ZNF20: variants seen among roughly 807,000 people sequenced by gnomAD.
ZNF20 encodes the protein zinc finger protein 20.
A neutral mutation model predicts 11.0 loss-of-function variants in ZNF20; 9 were observed. That is an observed-to-expected ratio of 0.82 (90% confidence interval 0.49 to 1.43). The LOEUF (loss-of-function observed/expected upper bound fraction) is 1.43, where lower values mean the gene tolerates loss of function less well. Ranked by LOEUF, ZNF20 falls within the 40% of genes most tolerant of loss-of-function variation. ZNF20 has a pLI of 0.00. For missense variants in ZNF20, 528 were observed against 640.8 expected, an observed-to-expected ratio of 0.82 and a Z score of 1.90; for synonymous variants, 182 against 213.0, an observed-to-expected ratio of 0.85 and a Z score of 1.27.
chr19:12,134,143 G>A (rs912262484), intron 3 of ZNF20, among the ~76,000 whole-genome samples, 158 bp from the exon 4 acceptor site: 1 of 151,926 alleles, frequency 6.6e-6, no homozygotes, highest in Non-Finnish European at 1.5e-5. Flanking sequence ...GGCCAACATG[G>A]TGAAACCCCG....
At position 12,132,044 on chromosome 19, in the gene ZNF20, CAAT is replaced by C. The variant is rs1976630747; in HGVS notation, c.*540_*542del. ...CAGGCTCGCTAATCCGTAGAAACAA[CAAT>C]GCTTGCAATACAAAGTAGACCTCTT... is the stretch of plus-strand genomic sequence containing the variant. On this transcript the variant is annotated 3_prime_UTR_variant, in exon 4 of 4. Coordinates refer to ENST00000334213, the MANE Select transcript of ZNF20 (RefSeq NM_021143.4). 6.5e-6 allele frequency: 1 copy of C among 153,404 alleles called. No individual in the cohort carries two copies. The highest frequency in any genetic ancestry group is 6.5e-5 in the Admixed American group (1 of 15,440). The allele number at this position is 153,404 out of a possible 1,614,324, so 9.5% of individuals were successfully genotyped here.
chr19:12,133,624 T>A lies in ZNF20; in HGVS notation c.562A>T (p.Arg188Ter). Residue 188 changes from arginine to a stop codon, truncating the protein, a stop_gained, in exon 4 of 4, where the codon AGA (arginine) becomes TGA (stop). Coordinates refer to ENST00000334213, the MANE Select transcript of ZNF20 (RefSeq NM_021143.4). LOFTEE classifies it low-confidence loss of function (END_TRUNC). ...TCTCCACTGTGCATTACCCTGTGTC[T>A]TTGAATGCATGAATGGGAAATGAAG... ...ETFISHSCIQ[R>*]HRVMHSGDGP... The A allele has an allele frequency of 6.2e-7, 1 of 1,614,230 alleles. No homozygotes were observed. The highest frequency in any genetic ancestry group is 8.5e-7 in the Non-Finnish European group (1 of 1,180,042).
Position 12,133,621 on chromosome 19 carries a change from G to A in ZNF20, c.565C>T (p.His189Tyr), listed in dbSNP as rs950782812. The A allele has an allele frequency of 6.5e-5, 105 of 1,614,086 alleles. No homozygotes were observed. Among genetic ancestry groups the A allele is most frequent in the Non-Finnish European group, 8.7e-5 (103 of 1,180,040 alleles). Residue 189 changes from histidine to tyrosine, a missense_variant, in exon 4 of 4, where the codon CAC becomes TAC. By Grantham distance (83) the His-to-Tyr change is moderately conservative. Coordinates refer to ENST00000334213, the MANE Select transcript of ZNF20 (RefSeq NM_021143.4). ...CCATCTCCACTGTGCATTACCCTGT[G>A]TCTTTGAATGCATGAATGGGAAATG... ...TFISHSCIQR[H>Y]RVMHSGDGPY... is the part of the protein sequence containing the mutation.
In ZNF20 at chr19:12,139,605, A is replaced by C. The variant is rs1976767225; in HGVS notation, c.3+575T>G. 1.3e-5 allele frequency among the ~76,000 whole-genome samples: 2 copies of C among 150,236 alleles called. No individual in the cohort carries two copies. Among genetic ancestry groups the C allele is most frequent in the African/African-American group, 4.9e-5 (2 of 40,572 alleles). On this transcript the variant is annotated intron_variant, in intron 1 of 3. Transcript: ENST00000334213. The surrounding 1 kb of genome is among the most constrained non-coding windows in gnomAD (Gnocchi z 4.0). ...GAGTGCAGTGGCGTGATCTCGGCTC[A>C]CTGCAACCTTCGTCTCCTGGGGTCA...
At chr19:12,138,309 G>A (rs958644967) in intron 1 of ZNF20, among the ~76,000 whole-genome samples, 7 of 151,948 alleles carry the variant, frequency 4.6e-5, no homozygotes, top group African/African-American at 1.5e-4. Flanking sequence ...ATGGGGTATG[G>A]TGGCGCATAC....
Position 12,135,785 on chromosome 19 carries a change from C to T in ZNF20, c.123G>A (p.Lys41=). 1 of 1,613,930 alleles carries T rather than the reference C, an allele frequency of 6.2e-7. No individual in the cohort carries two copies. The highest frequency in any genetic ancestry group is 8.5e-7 in the Non-Finnish European group (1 of 1,179,958). ...LYRDVMQETF[K]NLTSVGKTWK... ...CATTCTTACCTACAGAGGTCAGGTT[C>T]TTGAAGGTTTCCTGCATCACATCCC... is the stretch of plus-strand genomic sequence containing the variant. Residue 41 remains lysine, a synonymous_variant, in exon 2 of 4, where the codon AAG becomes AAA. Transcript: ENST00000334213.
At position 12,133,188 on chromosome 19, in the gene ZNF20, T is replaced by C; in HGVS notation, c.998A>G (p.His333Arg). ...ACATTCATAGGGTTTCTCTCCAGTG[T>C]GAGTCCTTCCATGCTTTTGAAGGTG... ...GSHLQKHGRT[H>R]TGEKPYECRQ... Residue 333 changes from histidine (H) to arginine (R), a missense_variant, in exon 4 of 4, where the codon CAC becomes CGC. His to Arg is a conservative substitution (Grantham distance 29). Coordinates refer to ENST00000334213, the MANE Select transcript of ZNF20 (RefSeq NM_021143.4). 6.2e-7 allele frequency: 1 copy of C among 1,613,868 alleles called. No homozygotes were observed. Among genetic ancestry groups the C allele is most frequent in the Middle Eastern group, 1.7e-4 (1 of 6,060 alleles).
At position 12,133,708 on chromosome 19, in the gene ZNF20, A is replaced by T. The variant is rs1378680864; in HGVS notation, c.478T>A (p.Ser160Thr). 6 of 1,614,190 alleles carry T rather than the reference A, an allele frequency of 3.7e-6. No homozygotes were observed. The Admixed American group carries it at 8.3e-5, about 22-fold the overall frequency. Residue 160 changes from serine to threonine, a missense_variant, in exon 4 of 4, where the codon TCA becomes ACA. Ser to Thr is a moderately conservative substitution (Grantham distance 58). Transcript: ENST00000334213. Reference sequence around the variant, plus strand: ...TCTTTAGTGCAAGCTTTATCATGTGATTGAAAGGAGTCAAGATAACTGAAG... The same window carrying T: ...TCTTTAGTGCAAGCTTTATCATGTGTTTGAAAGGAGTCAAGATAACTGAAG... ...KAFSYLDSFQ[S>T]HDKACTKEKP...
chr19:12,136,761 T>TA, intron 1 of ZNF20: 1 of 361,742 alleles, frequency 2.8e-6, no homozygotes, highest in Non-Finnish European at 5.4e-6. Flanking sequence ...GATGGAAAGA[T>TA]AGACTAATGG....
chr19:12,132,942 C>A lies in ZNF20; in HGVS notation c.1244G>T (p.Arg415Met). The A allele has an allele frequency of 6.2e-7, 1 of 1,613,834 alleles. No individual in the cohort carries two copies. The highest frequency in any genetic ancestry group is 8.5e-7 in the Non-Finnish European group (1 of 1,179,948). The change falls in exon 4 of 4, where the codon AGG becomes ATG. Residue 415 changes from arginine (R) to methionine (M), a missense_variant. By Grantham distance (91) the Arg-to-Met change is moderately conservative. Transcript: ENST00000334213. ...ATGGGGCTTCTCTCCAGTGTGCGTC[C>A]TTTCATGTATACGCAAGGAAGAAAA... ...KYFSSLRIHERTHTGEKPHEC... is the reference protein window; with the variant it reads ...KYFSSLRIHEMTHTGEKPHEC...
At chr19:12,134,166 A>T (rs1443475513) in intron 3 of ZNF20, among the ~76,000 whole-genome samples, 181 bp from the exon 4 acceptor site, 1 of 151,732 alleles carries the variant, frequency 6.6e-6, no homozygotes, top group Non-Finnish European at 1.5e-5. Context: ...TCTACTAAAA[A>T]TGCAAAAATT....
At chr19:12,134,343 A>T (rs748170116) in intron 3 of ZNF20, among the ~76,000 whole-genome samples, 6 of 151,692 alleles carry the variant, frequency 4.0e-5, no homozygotes, top group Admixed American at 6.6e-5. Context: ...ATAAAAAAAT[A>T]AAAAAGTGAT....
At chr19:12,140,039 C>T (rs752797212) in intron 1 of ZNF20, 141 bp downstream of exon 1, 8 of 1,153,960 alleles carry the variant, frequency 6.9e-6, no homozygotes, top group Non-Finnish European at 9.8e-6. Context: ...GCCGAGGGGA[C>T]GCAGGGACGA....
intron 3 of ZNF20, among the ~76,000 whole-genome samples, chr19:12,134,298 T>C (rs968187873): frequency 6.6e-6 from 1 of 151,754 alleles, no homozygotes; most frequent in Non-Finnish European, 1.5e-5. Context: ...TGCTCTAGCC[T>C]GGGTGACAAG....
rs534311272 is a variant in ZNF20 at position 12,132,507 on chromosome 19, T to G, written c.*80A>C. 1.4e-6 allele frequency: 2 copies of G among 1,424,970 alleles called. No homozygotes were observed. The highest frequency in any genetic ancestry group is 2.8e-5 in the South Asian group (2 of 70,390). 88.3% of individuals were successfully genotyped at this position (1,424,970 alleles called of 1,614,324 possible). A position where few individuals can be genotyped will look rare whatever the true frequency, so the allele number is the denominator to read the frequency against. ...CAAAAAGCAGTTATCCAGAGGTTCT[T>G]TCACCACTCTCTTTTCTTGTGTTTC... On this transcript the variant is annotated 3_prime_UTR_variant, in exon 4 of 4. Coordinates refer to ENST00000334213, the MANE Select transcript of ZNF20 (RefSeq NM_021143.4).
Position 12,132,925 on chromosome 19 carries a change from T to C in ZNF20, c.1261A>G (p.Lys421Glu). The stretch of plus-strand genomic sequence containing the variant: ...CCACATTGCTTACATTCATGGGGCT[T>C]CTCTCCAGTGTGCGTCCTTTCATGT... ...RIHERTHTGE[K>E]PHECKQCGKA... Residue 421 changes from lysine to glutamate, a missense_variant, in exon 4 of 4, where the codon AAG becomes GAG. By Grantham distance (56) the Lys-to-Glu change is moderately conservative. Transcript: ENST00000334213. 6.2e-7 allele frequency: 1 copy of C among 1,614,134 alleles called. No homozygotes were observed. The highest frequency in any genetic ancestry group is 8.5e-7 in the Non-Finnish European group (1 of 1,179,994).
rs1473560691 is a variant in ZNF20 at position 12,135,535 on chromosome 19, A to C, written c.165T>G (p.Ile55Met). The change falls in exon 3 of 4, where the codon ATT becomes ATG. Residue 55 changes from isoleucine to methionine, a missense_variant. Ile to Met is a conservative substitution (Grantham distance 10). Transcript: ENST00000334213. The part of the protein sequence containing the change: ...SVGKTWKVQN[I>M]EDEYKNPRRN... ...TCCTGGGATTTTTGTACTCATCTTC[A>C]ATGTTCTGAACTTTCCATGTTTTTC... The C allele has an allele frequency of 6.2e-7, 1 of 1,613,640 alleles. No homozygotes were observed. Among genetic ancestry groups the C allele is most frequent in the East Asian group, 2.2e-5 (1 of 44,880 alleles).
intron 2 of ZNF20, 59 bp downstream of exon 2, chr19:12,135,710 T>C (rs1976699150): frequency 2.2e-5 from 35 of 1,606,814 alleles, no homozygotes; most frequent in South Asian, 3.4e-5. Flanking sequence ...ATGAACAGCA[T>C]TGATGAGCTA....
intron 1 of ZNF20, among the ~76,000 whole-genome samples, chr19:12,138,815 G>A (rs774202917): frequency 7.3e-5 from 11 of 151,668 alleles, no homozygotes; most frequent in East Asian, 1.9e-4. Flanking sequence ...GCGAAACTCC[G>A]TCTCAAAAAA....
Sources: gnomAD v4.1 joint callset for allele counts (sites outside exome capture counted in the v4.1 genomes callset) on GRCh38, gnomAD v4.1.1 for gene constraint, Gnocchi (gnomAD v3.1) non-coding constraint, MANE v1.5 for transcripts, NCBI Gene and HGNC (gene_info 2026-07-23, HGNC 2026-07-21) for gene names.